The following CTNNA2 variants were observed in gnomAD, a reference collection of about 807,000 sequenced individuals.
The protein encoded by CTNNA2 is catenin alpha-2.
Under a neutral mutation model 101.0 loss-of-function variants are expected in CTNNA2, and 42 were observed. That is an observed-to-expected ratio of 0.42 (90% CI 0.32 to 0.54). The LOEUF is 0.54. CTNNA2 is among the 20% of genes least tolerant of loss of function. The pLI is 0.14. For missense variants in CTNNA2, 871 were observed against 1,223.1 expected (o/e 0.71, Z 4.29); for synonymous variants, 450 against 456.4 (o/e 0.99, Z 0.18).
chr2:79,793,644 C>T (rs1488706154), intron 3 of CTNNA2, among the ~76,000 whole-genome samples: 1 of 152,094 alleles, frequency 6.6e-6, no homozygotes. Flanking sequence ...TGCATATGCT[C>T]ACAAGATGTG....
intron 7 of CTNNA2, among the ~76,000 whole-genome samples, chr2:80,131,339 A>G (rs937278011): frequency 6.6e-6 from 1 of 152,156 alleles, no homozygotes; most frequent in African/African-American, 2.4e-5. Flanking sequence ...GATTACAGGC[A>G]TAAGCCACTG....
At chr2:79,300,299 G>C (rs1417858522) in intron 2 of CTNNA2, among the ~76,000 whole-genome samples, 1 of 152,102 alleles carries the variant, frequency 6.6e-6, no homozygotes, top group East Asian at 1.9e-4. Flanking sequence ...TTTGTAGATG[G>C]GATTCTTTTA....
intron 7 of CTNNA2, among the ~76,000 whole-genome samples, chr2:80,323,065 CAGGTGCCCTGTCTCTG>C (rs1678872854): frequency 6.6e-6 from 1 of 152,196 alleles, no homozygotes; most frequent in Non-Finnish European, 1.5e-5. Flanking sequence ...CGTGGTCCCC[CAGGTGCCCTGTCTCTG>C]AGGAGTGACC....
chr2:79,842,537 T>G (rs1679902186), intron 3 of CTNNA2, among the ~76,000 whole-genome samples: 1 of 152,194 alleles, frequency 6.6e-6, no homozygotes, highest in African/African-American at 2.4e-5. Flanking sequence ...CACTCCCTTG[T>G]GTTATAAGTT....
chr2:80,559,764 C>G (rs1317520474), intron 12 of CTNNA2, among the ~76,000 whole-genome samples: 1 of 151,970 alleles, frequency 6.6e-6, no homozygotes, highest in East Asian at 1.9e-4. Context: ...AATTGCCAAA[C>G]AGCTTAGTAG....
chr2:80,396,262 A>G lies in CTNNA2; in HGVS notation c.1137+2971A>G, dbSNP rs1368844586. 2.0e-5 allele frequency among the ~76,000 whole-genome samples: 3 copies of G among 152,344 alleles called. No individual in the cohort carries two copies. In the East Asian group the frequency reaches 5.8e-4, roughly 29 times the overall value. On this transcript the variant is annotated intron_variant, in intron 8 of 18. Transcript: ENST00000402739. ...CCAAAGGTACCATTTAAAACTGATT[A>G]ACATGAATCCATCTTGCCAGTCAAA... is the stretch of plus-strand genomic sequence containing the variant.
At chr2:80,349,812 C>G (rs1673119039) in intron 7 of CTNNA2, among the ~76,000 whole-genome samples, 2 of 152,118 alleles carry the variant, frequency 1.3e-5, no homozygotes, top group Admixed American at 1.3e-4. Context: ...AGCCACCATA[C>G]TGGGCTCTCC....
chr2:80,600,092 T>A (rs1358861884), intron 15 of CTNNA2, among the ~76,000 whole-genome samples: 1 of 152,084 alleles, frequency 6.6e-6, no homozygotes, highest in Non-Finnish European at 1.5e-5. Context: ...GAATAAAATT[T>A]AAAAATAAAA....
chr2:80,629,428 C>G (rs1475435753), intron 18 of CTNNA2, among the ~76,000 whole-genome samples: 1 of 152,082 alleles, frequency 6.6e-6, no homozygotes, highest in Non-Finnish European at 1.5e-5. Context: ...AATGGAGATT[C>G]CTGAAATCCA....
intron 9 of CTNNA2, among the ~76,000 whole-genome samples, chr2:80,502,329 A>G (rs1573055718): frequency 6.6e-6 from 1 of 152,302 alleles, no homozygotes; most frequent in South Asian, 2.1e-4. Flanking sequence ...GATTCCTGGC[A>G]ACAGAGAAAT....
chr2:79,632,359 T>C (rs1679748373), intron 1 of CTNNA2, among the ~76,000 whole-genome samples: 2 of 152,148 alleles, frequency 1.3e-5, no homozygotes, highest in African/African-American at 4.8e-5. Flanking sequence ...GAATATTCAG[T>C]TTGTCTAAAT....
At chr2:79,665,818 C>G (rs1166972540) in intron 2 of CTNNA2, among the ~76,000 whole-genome samples, 1 of 152,020 alleles carries the variant, frequency 6.6e-6, no homozygotes, top group Non-Finnish European at 1.5e-5. Flanking sequence ...TTTAGAATCT[C>G]CTGGAACATG....
intron 7 of CTNNA2, among the ~76,000 whole-genome samples, chr2:80,161,197 G>A (rs1225083193): frequency 6.6e-6 from 1 of 152,086 alleles, no homozygotes; most frequent in African/African-American, 2.4e-5. Flanking sequence ...TGTACTTTTA[G>A]TAGAGACAGG....
At chr2:79,222,304 G>A (rs1038134061) in intron 2 of CTNNA2, among the ~76,000 whole-genome samples, 1 of 152,194 alleles carries the variant, frequency 6.6e-6, no homozygotes, top group Non-Finnish European at 1.5e-5. Flanking sequence ...TGGCACACAG[G>A]TGGCCAGTTT....
At chr2:79,223,142 C>T (rs749873919) in intron 2 of CTNNA2, among the ~76,000 whole-genome samples, 2 of 151,926 alleles carry the variant, frequency 1.3e-5, no homozygotes, top group African/African-American at 4.8e-5. Flanking sequence ...CCTGGGCAAC[C>T]GAGTGAGATC....
At chr2:80,558,126 T>A (rs1163792113) in intron 12 of CTNNA2, among the ~76,000 whole-genome samples, 1 of 152,154 alleles carries the variant, frequency 6.6e-6, no homozygotes, top group Non-Finnish European at 1.5e-5. Context: ...ACAGCTTATA[T>A]ATAACTTTAA....
chr2:80,292,844 A>G (rs758795220), intron 7 of CTNNA2, among the ~76,000 whole-genome samples: 11 of 152,172 alleles, frequency 7.2e-5, no homozygotes, highest in Non-Finnish European at 1.6e-4. Context: ...GTGATATGTT[A>G]TGTTTAGTGG....
intron 2 of CTNNA2, among the ~76,000 whole-genome samples, chr2:79,305,373 C>CAT (rs56285145): frequency 0.021 from 2,900 of 138,182 alleles, 43 homozygotes; most frequent in Admixed American, 0.047. Context: ...TATATATACA[C>CAT]ATATATATAT....
At chr2:79,836,464 T>G (rs535711311) in intron 3 of CTNNA2, among the ~76,000 whole-genome samples, 1 of 152,316 alleles carries the variant, frequency 6.6e-6, no homozygotes, top group South Asian at 2.1e-4. Context: ...GTGAGGTGCA[T>G]GCATTTCCTC....
Sources: gnomAD v4.1 joint callset for allele counts (sites outside exome capture counted in the v4.1 genomes callset) on GRCh38, gnomAD v4.1.1 for gene constraint, MANE v1.5 for transcripts, NCBI Gene and HGNC (gene_info 2026-07-23, HGNC 2026-07-21) for gene names.